Variants in PLPPR5 observed in about 807,000 individuals in gnomAD.
The protein encoded by PLPPR5 is phospholipid phosphatase related 5.
PLPPR5 carries 16 observed loss-of-function variants against 33.9 expected under a neutral mutation model. That is an observed-to-expected ratio of 0.47 (90% CI 0.32 to 0.72). PLPPR5 has a LOEUF of 0.72. Ranked by LOEUF, PLPPR5 falls within the 30% of genes least tolerant of loss-of-function variation. The pLI, the probability that PLPPR5 is intolerant of heterozygous loss-of-function variation, is 0.03. For synonymous variants in PLPPR5, 163 were observed against 150.3 expected (o/e 1.08, Z -0.62); for missense variants, 301 against 406.7 (o/e 0.74, Z 2.23).
intron 5 of PLPPR5, among the ~76,000 whole-genome samples, chr1:98,904,469 T>C (rs547457827): frequency 2.0e-5 from 3 of 152,290 alleles, no homozygotes; most frequent in African/African-American, 4.8e-5. Context: ...TTAGATCTAC[T>C]GGAAATATCC....
chr1:98,987,730 A>G (rs2100757719), intron 1 of PLPPR5, among the ~76,000 whole-genome samples: 1 of 152,102 alleles, frequency 6.6e-6, no homozygotes, highest in Non-Finnish European at 1.5e-5. Context: ...CAGTGGGTTC[A>G]TGAAACTGTT....
intron 3 of PLPPR5, among the ~76,000 whole-genome samples, chr1:98,930,025 A>G (rs1409792362): frequency 6.6e-6 from 1 of 152,218 alleles, no homozygotes; most frequent in Non-Finnish European, 1.5e-5. Context: ...CTATCCCATC[A>G]TCTCCAAGAT....
chr1:98,989,073 T>C (rs1307860775), intron 1 of PLPPR5, among the ~76,000 whole-genome samples: 1 of 152,096 alleles, frequency 6.6e-6, no homozygotes, highest in Non-Finnish European at 1.5e-5. Flanking sequence ...ACCTACTAAC[T>C]GAACAGGGAG....
At chr1:98,929,038 A>G (rs1649869251) in intron 3 of PLPPR5, among the ~76,000 whole-genome samples, 1 of 152,108 alleles carries the variant, frequency 6.6e-6, no homozygotes, top group South Asian at 2.1e-4. Flanking sequence ...GAGATTCCGT[A>G]TTTAGTCAGT....
chr1:98,999,278 CAT>C (rs1419088698), intron 1 of PLPPR5, among the ~76,000 whole-genome samples: 6 of 152,302 alleles, frequency 3.9e-5, no homozygotes, highest in Admixed American at 2.6e-4. Flanking sequence ...GATACTTACA[CAT>C]GTTAACCCAT....
chr1:99,005,380 C>G (rs1653050244), upstream of PLPPR5, among the ~76,000 whole-genome samples: 1 of 152,088 alleles, frequency 6.6e-6, no homozygotes, highest in Non-Finnish European at 1.5e-5. Flanking sequence ...TTGACCCAGC[C>G]CGGGGCTGGA....
intron 1 of PLPPR5, among the ~76,000 whole-genome samples, chr1:98,968,720 A>G (rs1039353647): frequency 6.6e-6 from 1 of 152,040 alleles, no homozygotes; most frequent in South Asian, 2.1e-4. Context: ...TACCCATAAA[A>G]GTGAAAAAAA....
At position 99,004,660 on chromosome 1, in the gene PLPPR5, C is replaced by A. The variant is rs373716559; in HGVS notation, c.12G>T (p.Leu4=). MPL[L]PAALTSSMLY... ...GCATGCTGCTGGTGAGCGCCGCGGG[C>A]AGCAGGGGCATGCACGCCTCCCGGG... is the stretch of plus-strand genomic sequence containing the variant. Residue 4 remains leucine (L), a synonymous_variant, in exon 1 of 6, where the codon CTG becomes CTT. Transcript: ENST00000263177. 60 of 1,610,306 alleles carry A rather than the reference C, an allele frequency of 3.7e-5. No homozygotes were observed. Among genetic ancestry groups the A allele is most frequent in the Non-Finnish European group, 4.9e-5 (58 of 1,178,774 alleles).
chr1:98,925,266 T>C (rs1349960260), intron 3 of PLPPR5, among the ~76,000 whole-genome samples: 1 of 152,172 alleles, frequency 6.6e-6, no homozygotes, highest in Non-Finnish European at 1.5e-5. Flanking sequence ...TAAAATAAAA[T>C]ACAAACAGCA....
At chr1:98,995,124 G>A (rs773918298) in intron 1 of PLPPR5, among the ~76,000 whole-genome samples, 13 of 152,042 alleles carry the variant, frequency 8.6e-5, no homozygotes, top group Non-Finnish European at 1.2e-4. Flanking sequence ...AAACAGAATT[G>A]TCATTTGACC....
At chr1:98,944,554 T>C (rs1259897892) in intron 3 of PLPPR5, among the ~76,000 whole-genome samples, 1 of 152,224 alleles carries the variant, frequency 6.6e-6, no homozygotes, top group Admixed American at 6.5e-5. Flanking sequence ...GACACTAAAT[T>C]ACCAGAGCCT....
intron 1 of PLPPR5, among the ~76,000 whole-genome samples, chr1:98,989,794 C>A: frequency 6.6e-6 from 1 of 152,282 alleles, no homozygotes; most frequent in South Asian, 2.1e-4. Flanking sequence ...TGTGAAATAA[C>A]CAATCTGCTT....
intron 3 of PLPPR5, among the ~76,000 whole-genome samples, chr1:98,927,907 A>G (rs930802075): frequency 4.6e-5 from 7 of 151,938 alleles, no homozygotes; most frequent in Middle Eastern, 3.4e-3. Context: ...AAATATAATA[A>G]TAAGACTTTC....
chr1:98,922,347 C>CT (rs1478717571), intron 3 of PLPPR5, among the ~76,000 whole-genome samples: 1 of 152,082 alleles, frequency 6.6e-6, no homozygotes. Flanking sequence ...GTCCAACTGT[C>CT]TTTTTTTCTT....
At chr1:98,914,989 G>A in intron 4 of PLPPR5, 69 bp from the exon 5 acceptor site, 1 of 1,411,258 alleles carries the variant, frequency 7.1e-7, no homozygotes, top group Non-Finnish European at 9.7e-7. Context: ...CTTTTGAGGA[G>A]CTTAATAAAG....
chr1:98,942,240 T>G (rs1024907149), intron 3 of PLPPR5, among the ~76,000 whole-genome samples: 6 of 152,084 alleles, frequency 3.9e-5, no homozygotes, highest in African/African-American at 2.4e-5. Flanking sequence ...TGGTTAATAT[T>G]TTTTTGTATT....
intron 2 of PLPPR5, 149 bp downstream of exon 2, chr1:98,956,460 G>T: frequency 1.4e-6 from 1 of 734,988 alleles, no homozygotes; most frequent in Non-Finnish European, 2.0e-6. Context: ...CAAGCAGTGT[G>T]TAATGTTTAT....
At chr1:98,931,516 A>T in intron 3 of PLPPR5, among the ~76,000 whole-genome samples, 1 of 152,224 alleles carries the variant, frequency 6.6e-6, no homozygotes, top group East Asian at 1.9e-4. Context: ...CCATGCTCTA[A>T]CAAAGATGCT....
chr1:98,975,648 CCT>C (rs1280064346), intron 1 of PLPPR5, among the ~76,000 whole-genome samples: 7 of 151,950 alleles, frequency 4.6e-5, no homozygotes, highest in African/African-American at 9.7e-5. Context: ...ATAAGCTTCC[CCT>C]GATAGGAGTA....
Sources: gnomAD v4.1 joint callset for allele counts (sites outside exome capture counted in the v4.1 genomes callset) on GRCh38, gnomAD v4.1.1 for gene constraint, MANE v1.5 for transcripts, NCBI Gene and HGNC (gene_info 2026-07-23, HGNC 2026-07-21) for gene names.